Variants in ENTHD1 observed in about 807,000 individuals in gnomAD.
ENTHD1 encodes ENTH domain containing 1.
A neutral mutation model predicts 39.1 loss-of-function variants in ENTHD1; 23 were observed. That is an observed-to-expected ratio of 0.59 (90% CI 0.42 to 0.83). The LOEUF (loss-of-function observed/expected upper bound fraction) is 0.83, where lower values mean the gene tolerates loss of function less well. Among genes scored for constraint, ENTHD1 ranks in the 40% least tolerant of loss-of-function variants. The pLI is 0.00. For synonymous variants in ENTHD1, 230 were observed against 258.2 expected (o/e 0.89, Z 1.05); for missense variants, 624 against 705.4 (o/e 0.88, Z 1.31).
chr22:39,772,670 T>G (rs1232955169), intron 5 of ENTHD1, among the ~76,000 whole-genome samples: 1 of 151,992 alleles, frequency 6.6e-6, no homozygotes, highest in Non-Finnish European at 1.5e-5. Flanking sequence ...CCACAGTAAA[T>G]GCAATTAACA....
chr22:39,857,666 G>A (rs563567450), intron 3 of ENTHD1, among the ~76,000 whole-genome samples: 22 of 152,064 alleles, frequency 1.4e-4, no homozygotes, highest in Admixed American at 9.2e-4. Flanking sequence ...AAGATACTGC[G>A]GTGGGCTGGG....
At chr22:39,851,041 T>G (rs1475742563) in intron 3 of ENTHD1, among the ~76,000 whole-genome samples, 1 of 152,148 alleles carries the variant, frequency 6.6e-6, no homozygotes, top group Non-Finnish European at 1.5e-5. Flanking sequence ...ACTCTCTTCG[T>G]TTTTTTATTC....
At chr22:39,789,679 CAA>C in intron 5 of ENTHD1, among the ~76,000 whole-genome samples, 1 of 152,260 alleles carries the variant, frequency 6.6e-6, no homozygotes, top group Admixed American at 6.5e-5. Context: ...GACAAAAAGA[CAA>C]AGTCTTTGCC....
chr22:39,850,247 G>T (rs544654760), intron 3 of ENTHD1, among the ~76,000 whole-genome samples: 25 of 152,184 alleles, frequency 1.6e-4, no homozygotes, highest in African/African-American at 6.0e-4. Flanking sequence ...ATACTTTGAA[G>T]TTATTTTACT....
chr22:39,890,147 TA>T (rs1299948937), intron 1 of ENTHD1, among the ~76,000 whole-genome samples: 1 of 134,402 alleles, frequency 7.4e-6, no homozygotes, highest in Non-Finnish European at 1.6e-5. Context: ...AATAAATAAA[TA>T]AAAAAGAAAA....
intron 3 of ENTHD1, among the ~76,000 whole-genome samples, chr22:39,852,013 ATC>A (rs1330701448): frequency 6.6e-6 from 1 of 152,094 alleles, no homozygotes; most frequent in African/African-American, 2.4e-5. Context: ...CTAGCTATCC[ATC>A]TCTCTATATG....
chr22:39,875,459 G>A, intron 2 of ENTHD1: 2 of 1,533,522 alleles, frequency 1.3e-6, no homozygotes, highest in East Asian at 2.2e-5. Flanking sequence ...GTCGCTGAGC[G>A]GCCAGGCCGT....
chr22:39,815,796 G>A (rs2065729176), intron 5 of ENTHD1, among the ~76,000 whole-genome samples: 1 of 152,090 alleles, frequency 6.6e-6, no homozygotes. Flanking sequence ...ATGAAATACT[G>A]TACAGCGGTG....
chr22:39,863,702 A>G (rs1569173347), intron 2 of ENTHD1, among the ~76,000 whole-genome samples: 1 of 152,178 alleles, frequency 6.6e-6, no homozygotes, highest in Non-Finnish European at 1.5e-5. Context: ...GTCCCTAATG[A>G]TCCACTTGTA....
chr22:39,865,551 C>A (rs940568915), intron 2 of ENTHD1, among the ~76,000 whole-genome samples: 2 of 152,012 alleles, frequency 1.3e-5, no homozygotes, highest in African/African-American at 4.8e-5. Flanking sequence ...GACAGCATAC[C>A]AACAAAGAAT....
intron 5 of ENTHD1, among the ~76,000 whole-genome samples, chr22:39,782,984 A>G (rs1269274942): frequency 6.6e-6 from 1 of 152,198 alleles, no homozygotes; most frequent in Non-Finnish European, 1.5e-5. Context: ...GAAAGAAGTG[A>G]AATTAGCCTT....
intron 5 of ENTHD1, among the ~76,000 whole-genome samples, chr22:39,770,583 A>G (rs2065313386): frequency 6.6e-6 from 1 of 152,146 alleles, no homozygotes; most frequent in Non-Finnish European, 1.5e-5. Flanking sequence ...TGCAGTTGCT[A>G]CCTTGATCAT....
chr22:39,794,237 C>T (rs2065528632), intron 5 of ENTHD1, among the ~76,000 whole-genome samples: 1 of 152,014 alleles, frequency 6.6e-6, no homozygotes, highest in Non-Finnish European at 1.5e-5. Flanking sequence ...ACGGGATTGT[C>T]TTCATGATTT....
intron 4 of ENTHD1, 52 bp downstream of exon 4, chr22:39,835,788 C>T (rs2065903693): frequency 7.5e-7 from 1 of 1,340,660 alleles, no homozygotes; most frequent in African/African-American, 1.5e-5. Flanking sequence ...TGTTTTAAGG[C>T]ACAAAACTTG....
At chr22:39,760,268 C>T (rs189486232) in intron 6 of ENTHD1, among the ~76,000 whole-genome samples, 26 of 151,996 alleles carry the variant, frequency 1.7e-4, no homozygotes, top group African/African-American at 4.3e-4. Flanking sequence ...TAATTTCTCC[C>T]TATAATTCTG....
intron 1 of ENTHD1, 37 bp downstream of exon 1, chr22:39,893,658 T>G (rs960570522): frequency 1.3e-5 from 2 of 152,236 alleles, no homozygotes; most frequent in Non-Finnish European, 2.9e-5. Flanking sequence ...CAGACCCGCC[T>G]TGAGCCCCAC....
intron 5 of ENTHD1, among the ~76,000 whole-genome samples, chr22:39,781,405 C>G (rs1453309851): frequency 1.3e-5 from 2 of 152,016 alleles, no homozygotes; most frequent in African/African-American, 2.4e-5. Context: ...TGCTCCGGAA[C>G]AACCAATGGG....
chr22:39,768,991 CACTA>C (rs1297666334), intron 5 of ENTHD1, among the ~76,000 whole-genome samples: 4 of 151,742 alleles, frequency 2.6e-5, no homozygotes, highest in East Asian at 1.9e-4. Context: ...CATATACACA[CACTA>C]ACTTGTGTAT....
At chr22:39,764,817 C>T (rs2065261807) in intron 6 of ENTHD1, among the ~76,000 whole-genome samples, 1 of 151,734 alleles carries the variant, frequency 6.6e-6, no homozygotes. Flanking sequence ...AAGGGGCACA[C>T]ATACACCCGT....
Sources: allele counts gnomAD v4.1 joint callset (sites outside exome capture counted in the v4.1 genomes callset), GRCh38; gene constraint gnomAD v4.1.1; transcripts MANE v1.5; gene names NCBI Gene and HGNC (gene_info 2026-07-23, HGNC 2026-07-21).